Variants in DENND2B observed in about 807,000 individuals in gnomAD.
DENND2B encodes DENN domain containing 2B, also known as DENN domain-containing protein 2B.
Under a neutral mutation model 116.0 loss-of-function variants are expected in DENND2B, and 32 were observed. That is an observed-to-expected ratio of 0.28 (90% CI 0.21 to 0.37). DENND2B has a LOEUF of 0.37. Ranked by LOEUF, DENND2B falls within the 10% of genes least tolerant of loss-of-function variation. DENND2B has a pLI of 1.00. For synonymous variants in DENND2B, 588 were observed against 583.9 expected (o/e 1.01, Z -0.10); for missense variants, 1,276 against 1,477.7 (o/e 0.86, Z 2.24).
chr11:8,705,419 G>A lies in DENND2B; in HGVS notation c.2571+1666C>T, dbSNP rs117698259. Among the ~76,000 whole-genome samples, 1,248 of 152,190 alleles carry A rather than the reference G, an allele frequency of 8.2e-3. 52 individuals are homozygous for A. Among genetic ancestry groups the A allele is most frequent in the Admixed American group, 0.068 (1,034 of 15,292 alleles). ...CTGACCTCTTGGTGGTTCCTGATCC[G>A]GATCACGGCTTCCTTTTTGAGGTGC... On this transcript the variant is annotated intron_variant, in intron 13 of 19. Coordinates refer to ENST00000313726, the MANE Select transcript of DENND2B (RefSeq NM_213618.2).
At chr11:8,755,453 A>G (rs1389930538) in intron 1 of DENND2B, among the ~76,000 whole-genome samples, 1 of 152,176 alleles carries the variant, frequency 6.6e-6, no homozygotes, top group African/African-American at 2.4e-5. Context: ...ATAAGCTCTC[A>G]GGGTTGTGGT....
intron 1 of DENND2B, among the ~76,000 whole-genome samples, chr11:8,770,608 C>A (rs1348498461): frequency 6.6e-6 from 1 of 152,188 alleles, no homozygotes; most frequent in Non-Finnish European, 1.5e-5. Context: ...AGTTTCATCT[C>A]ACCTTGAGTG....
chr11:8,856,013 G>A (rs931841672), intron 3 of DENND2B, among the ~76,000 whole-genome samples: 1 of 152,120 alleles, frequency 6.6e-6, no homozygotes, highest in Non-Finnish European at 1.5e-5. Flanking sequence ...CCCAACATAT[G>A]TTGCCTGTTA....
chr11:8,795,069 G>A (rs1368827362), intron 1 of DENND2B, among the ~76,000 whole-genome samples: 1 of 152,262 alleles, frequency 6.6e-6, no homozygotes, highest in African/African-American at 2.4e-5. Context: ...TTTCCTGGCA[G>A]AAATGCCACC....
chr11:8,781,375 G>C (rs2058355983), intron 1 of DENND2B, among the ~76,000 whole-genome samples: 1 of 152,120 alleles, frequency 6.6e-6, no homozygotes, highest in African/African-American at 2.4e-5. Flanking sequence ...GGCTTCATTG[G>C]AGAGGGTCAC....
chr11:8,730,316 T>A lies in DENND2B; in HGVS notation c.974A>T (p.Glu325Val). ...GCTCACACTCGCGCCCCCTGCCGGC[T>A]CCTCCAAGGAGCCCAAGGTTCCAGT... ...RKTGTLGSLE[E>V]PAGGASVSAG... The change falls in exon 3 of 20, where the codon GAG becomes GTG. Residue 325 changes from glutamate to valine, a missense_variant. Glu to Val is a moderately radical substitution (Grantham distance 121, BLOSUM62 -2). Around this residue, in one of 2 missense-constraint regions of DENND2B, gnomAD observed 856 missense variants for 846.6 expected, o/e 1.01. Transcript: ENST00000313726. The surrounding 1 kb of genome is among the most constrained non-coding windows in gnomAD (Gnocchi z 4.1). 1 of 1,601,486 alleles carries A rather than the reference T, an allele frequency of 6.2e-7. No individual in the cohort carries two copies. Among genetic ancestry groups the A allele is most frequent in the Non-Finnish European group, 8.5e-7 (1 of 1,177,076 alleles).
At chr11:8,831,164 T>G (rs1232055865) in intron 4 of DENND2B, among the ~76,000 whole-genome samples, 2 of 152,182 alleles carry the variant, frequency 1.3e-5, no homozygotes, top group Non-Finnish European at 2.9e-5. Context: ...CAGCCCATTC[T>G]TAGACTCAGA....
chr11:8,776,627 T>C (rs1157653404), intron 1 of DENND2B: 1 of 199,546 alleles, frequency 5.0e-6, no homozygotes, highest in African/African-American at 2.3e-5. Flanking sequence ...TCTTCTTACC[T>C]TTCAAGACTT....
intron 2 of DENND2B, among the ~76,000 whole-genome samples, chr11:8,866,829 C>T (rs1312691730): frequency 6.6e-6 from 1 of 152,184 alleles, no homozygotes; most frequent in Non-Finnish European, 1.5e-5. Context: ...AAAACCCAAA[C>T]TGAGTCATAT....
intron 13 of DENND2B, among the ~76,000 whole-genome samples, chr11:8,706,796 T>C (rs1460375713): frequency 6.6e-6 from 1 of 152,208 alleles, no homozygotes; most frequent in Admixed American, 6.5e-5. Context: ...AATCCCTGAT[T>C]GTGAGATGGC....
chr11:8,894,039 C>T (rs572668031), intron 1 of DENND2B, among the ~76,000 whole-genome samples: 2 of 152,182 alleles, frequency 1.3e-5, no homozygotes, highest in African/African-American at 4.8e-5. Flanking sequence ...GGTACTGGTA[C>T]CAAAACAGAG....
At chr11:8,819,413 T>G (rs1426031387) in intron 4 of DENND2B, among the ~76,000 whole-genome samples, 3 of 152,028 alleles carry the variant, frequency 2.0e-5, no homozygotes, top group Non-Finnish European at 4.4e-5. Context: ...AAAAAAAAGT[T>G]TAAGATAAAA....
intron 1 of DENND2B, among the ~76,000 whole-genome samples, chr11:8,788,443 T>C (rs1455600218): frequency 5.3e-5 from 8 of 152,214 alleles, no homozygotes; most frequent in African/African-American, 1.7e-4. Flanking sequence ...TAAAACTGTT[T>C]AGAATGGTTG....
chr11:8,778,131 G>A (rs1312515014), intron 1 of DENND2B, among the ~76,000 whole-genome samples: 1 of 152,226 alleles, frequency 6.6e-6, no homozygotes, highest in Non-Finnish European at 1.5e-5. Context: ...GGATCAATGA[G>A]TCAAGCCTTG....
At chr11:8,865,114 T>C (rs1329177260) in intron 2 of DENND2B, among the ~76,000 whole-genome samples, 1 of 113,024 alleles carries the variant, frequency 8.8e-6, no homozygotes, top group Non-Finnish European at 2.0e-5. Flanking sequence ...AAGCAGATTA[T>C]TTCTATCATA....
chr11:8,823,330 A>G (rs1267816977), intron 4 of DENND2B, among the ~76,000 whole-genome samples: 1 of 152,342 alleles, frequency 6.6e-6, no homozygotes, highest in South Asian at 2.1e-4. Flanking sequence ...AAACAGTGCT[A>G]TGAAATGAAT....
chr11:8,816,259 G>T lies in DENND2B; in HGVS notation c.-114-4924C>A, dbSNP rs1003358218. 1.7e-4 allele frequency among the ~76,000 whole-genome samples: 26 copies of T among 152,208 alleles called. 1 individual carries two copies. Among genetic ancestry groups the T allele is most frequent in the African/African-American group, 6.3e-4 (26 of 41,444 alleles). On this transcript the variant is annotated intron_variant, in intron 4 of 6. Coordinates refer to the DENND2B transcript ENST00000524757. ...ATCCAGTTCTACCAAATTAATGGGT[G>T]ATCAGGTCAAGTGCAGTGGCTCACA...
At chr11:8,831,401 C>A (rs2062199714) in intron 4 of DENND2B, among the ~76,000 whole-genome samples, 1 of 152,178 alleles carries the variant, frequency 6.6e-6, no homozygotes, top group African/African-American at 2.4e-5. Context: ...GGAGCAAATA[C>A]ACCTCTGCAA....
At chr11:8,799,909 C>T (rs1481287017) in intron 1 of DENND2B, among the ~76,000 whole-genome samples, 3 of 149,596 alleles carry the variant, frequency 2.0e-5, no homozygotes, top group African/African-American at 2.5e-5. Context: ...CCTCAGTCTT[C>T]ACCATGTATT....
Sources: allele counts gnomAD v4.1 joint callset (sites outside exome capture counted in the v4.1 genomes callset), GRCh38; gene constraint gnomAD v4.1.1; regional missense constraint gnomAD v4.1.1; non-coding constraint Gnocchi (gnomAD v3.1); transcripts MANE v1.5; gene names NCBI Gene and HGNC (gene_info 2026-07-23, HGNC 2026-07-21).